ZNF827: variants seen among roughly 807,000 people sequenced by gnomAD.
ZNF827 encodes the protein zinc finger protein 827.
Under a neutral mutation model 102.4 loss-of-function variants are expected in ZNF827, and 13 were observed. The ratio of observed to expected loss-of-function variants is 0.13; its 90% CI spans 0.08 to 0.20. The LOEUF is 0.20. Among genes scored for constraint, ZNF827 ranks in the 10% least tolerant of loss-of-function variants. ZNF827 has a pLI of 1.00. For synonymous variants in ZNF827, 523 were observed against 536.2 expected, an observed-to-expected ratio of 0.98 and a Z score of 0.34; for missense variants, 1,103 against 1,344.4, an observed-to-expected ratio of 0.82 and a Z score of 2.81.
intron 8 of ZNF827, among the ~76,000 whole-genome samples, chr4:145,789,817 T>C (rs1487640848): frequency 6.6e-6 from 1 of 152,226 alleles, no homozygotes; most frequent in Non-Finnish European, 1.5e-5. Flanking sequence ...GAAGCATCCA[T>C]GATCACATAA....
At position 145,774,572 on chromosome 4, in the gene ZNF827, T is replaced by C; in HGVS notation, c.2794A>G (p.Thr932Ala). ...KEQWMFSICC[T>A]ACDFVTMEEA... Reference sequence around the variant, plus strand: ...TCCATGGTGACGAAGTCGCAGGCAGTGCAGCAGATCGAAAACATCCACTGC... The same window carrying C: ...TCCATGGTGACGAAGTCGCAGGCAGCGCAGCAGATCGAAAACATCCACTGC... The change falls in exon 11 of 15, where the codon ACT (threonine) becomes GCT (alanine). Residue 932 changes from threonine (T) to alanine (A), a missense_variant. Coordinates refer to ENST00000508784, the MANE Select transcript of ZNF827 (RefSeq NM_001306215.2). The C allele has an allele frequency of 6.2e-7, 1 of 1,613,338 alleles. No individual in the cohort carries two copies. The highest frequency in any genetic ancestry group is 8.5e-7 in the Non-Finnish European group (1 of 1,179,728).
At chr4:145,843,405 A>T (rs1745616489) in intron 7 of ZNF827, among the ~76,000 whole-genome samples, 1 of 152,210 alleles carries the variant, frequency 6.6e-6, no homozygotes, top group Non-Finnish European at 1.5e-5. Flanking sequence ...GGAGAATTTA[A>T]GGATTGCATC....
intron 1 of ZNF827, among the ~76,000 whole-genome samples, chr4:145,925,076 G>A (rs1036372485): frequency 6.6e-6 from 1 of 152,134 alleles, no homozygotes; most frequent in Non-Finnish European, 1.5e-5. Flanking sequence ...CATGGCAGCA[G>A]GCAAGAGAGT....
intron 7 of ZNF827, among the ~76,000 whole-genome samples, chr4:145,839,761 G>C (rs1745233684): frequency 6.6e-6 from 1 of 152,240 alleles, no homozygotes; most frequent in African/African-American, 2.4e-5. Context: ...TCCACTGACA[G>C]AGACTTACCA....
chr4:145,816,372 G>A lies in ZNF827; in HGVS notation c.2383+7050C>T, dbSNP rs182228475. Among the ~76,000 whole-genome samples, 53 of 152,288 alleles carry A rather than the reference G, an allele frequency of 3.5e-4. No individual in the cohort carries two copies. In the East Asian group the frequency reaches 6.2e-3, roughly 18 times the overall value. On this transcript the variant is annotated intron_variant, in intron 8 of 14. Transcript: ENST00000508784. ...GGCTTTCTACAGATTCTTCAGGTAA[G>A]GCATCTAAACAGGATACACATTTCT... is the stretch of plus-strand genomic sequence containing the variant.
chr4:145,866,433 T>C (rs1748206130), intron 5 of ZNF827, among the ~76,000 whole-genome samples: 1 of 152,236 alleles, frequency 6.6e-6, no homozygotes, highest in African/African-American at 2.4e-5. Context: ...ATCTAGGGCC[T>C]GGTTGAATTC....
chr4:145,776,919 G>T (rs1037376934), intron 9 of ZNF827, among the ~76,000 whole-genome samples: 1 of 152,068 alleles, frequency 6.6e-6, no homozygotes, highest in Non-Finnish European at 1.5e-5. Flanking sequence ...TTCTGAATTC[G>T]TTTGATTAAT....
intron 9 of ZNF827, among the ~76,000 whole-genome samples, chr4:145,777,774 T>C (rs765691897): frequency 6.6e-6 from 1 of 152,170 alleles, no homozygotes; most frequent in Non-Finnish European, 1.5e-5. Context: ...ATTTTTGTCT[T>C]TCTCTAATTA....
At chr4:145,905,517 G>A (rs766190674) in intron 1 of ZNF827, among the ~76,000 whole-genome samples, 2 of 152,118 alleles carry the variant, frequency 1.3e-5, no homozygotes, top group Non-Finnish European at 2.9e-5. Context: ...AAACAGTCTG[G>A]TTCTTTGTGA....
At chr4:145,803,822 A>C (rs1204183772) in intron 8 of ZNF827, among the ~76,000 whole-genome samples, 1 of 152,222 alleles carries the variant, frequency 6.6e-6, no homozygotes, top group African/African-American at 2.4e-5. Context: ...ACTTAAACGC[A>C]TTCAGAGTGT....
chr4:145,938,571 T>G lies in ZNF827; in HGVS notation c.-164A>C. On this transcript the variant is annotated 5_prime_UTR_variant, in exon 1 of 15. Transcript: ENST00000508784. ...GGTGTGTGCAATGGGTTGAAGCTTG[T>G]TTCCTGGAGCCAGAAGAGGGGTTTT... 1.8e-6 allele frequency: 1 copy of G among 555,410 alleles called. No individual in the cohort carries two copies. The highest frequency in any genetic ancestry group is 3.2e-6 in the Non-Finnish European group (1 of 313,442). The allele number at this position is 555,410 out of a possible 1,614,324, so 34.4% of individuals were successfully genotyped here. A position where few individuals can be genotyped will look rare whatever the true frequency, so the allele number is the denominator to read the frequency against.
chr4:145,840,809 C>T (rs929808561), intron 7 of ZNF827, among the ~76,000 whole-genome samples: 3 of 152,150 alleles, frequency 2.0e-5, no homozygotes, highest in Non-Finnish European at 2.9e-5. Flanking sequence ...TTTAAGGACA[C>T]GCATCCGAAC....
intron 2 of ZNF827, among the ~76,000 whole-genome samples, chr4:145,895,543 A>G (rs1354939815): frequency 6.6e-6 from 1 of 152,204 alleles, no homozygotes; most frequent in Non-Finnish European, 1.5e-5. Context: ...ACACTACTGT[A>G]ACTTTTGAAA....
At chr4:145,773,590 C>T (rs1484689488) in intron 11 of ZNF827, among the ~76,000 whole-genome samples, 1 of 152,214 alleles carries the variant, frequency 6.6e-6, no homozygotes, top group East Asian at 1.9e-4. Flanking sequence ...CACTTAATGA[C>T]TCCTTGCTGG....
intron 8 of ZNF827, among the ~76,000 whole-genome samples, chr4:145,798,049 A>C (rs888773458): frequency 2.6e-5 from 4 of 152,230 alleles, no homozygotes; most frequent in African/African-American, 9.6e-5. Context: ...TCATGTTGTG[A>C]GGACCAAAGG....
chr4:145,892,030 G>A (rs1750645900), intron 3 of ZNF827, among the ~76,000 whole-genome samples: 1 of 152,218 alleles, frequency 6.6e-6, no homozygotes, highest in Non-Finnish European at 1.5e-5. Flanking sequence ...TTTGGATATC[G>A]AAGGTTCTCT....
At chr4:145,894,411 T>A (rs2126858543) in intron 2 of ZNF827, among the ~76,000 whole-genome samples, 1 of 152,344 alleles carries the variant, frequency 6.6e-6, no homozygotes, top group Admixed American at 6.5e-5. Flanking sequence ...TTGAATTTTT[T>A]AATGTACACA....
At chr4:145,862,152 G>T (rs1207649125) in intron 5 of ZNF827, among the ~76,000 whole-genome samples, 1 of 152,174 alleles carries the variant, frequency 6.6e-6, no homozygotes, top group Non-Finnish European at 1.5e-5. Context: ...AAACAGAAGG[G>T]TGCTTACTGG....
chr4:145,918,354 A>AAC (rs1752826585), intron 1 of ZNF827, among the ~76,000 whole-genome samples: 2 of 149,776 alleles, frequency 1.3e-5, no homozygotes, highest in African/African-American at 4.9e-5. Context: ...AAAAAAAAAA[A>AAC]AAAAACTGGC....
Sources: gnomAD v4.1 joint callset for allele counts (sites outside exome capture counted in the v4.1 genomes callset) on GRCh38, gnomAD v4.1.1 for gene constraint, MANE v1.5 for transcripts, NCBI Gene and HGNC (gene_info 2026-07-23, HGNC 2026-07-21) for gene names.